Variants in EHMT1 observed in about 807,000 individuals in gnomAD.
The protein encoded by EHMT1 is euchromatic histone lysine methyltransferase 1.
Under a neutral mutation model 147.2 loss-of-function variants are expected in EHMT1, and 15 were observed. The ratio of observed to expected loss-of-function variants is 0.10; its 90% CI spans 0.07 to 0.16. The LOEUF is 0.16. EHMT1 is among the 10% of genes least tolerant of loss of function. The probability of loss-of-function intolerance (pLI) is 1.00; values close to 1 mark genes in which losing one functional copy is unlikely to be tolerated. For synonymous variants in EHMT1, 795 were observed against 709.6 expected (o/e 1.12, Z -1.91); for missense variants, 1,587 against 1,772.4 (o/e 0.90, Z 1.88).
chr9:137,621,268 A>C (rs1314790144), intron 1 of EHMT1, among the ~76,000 whole-genome samples: 1 of 152,208 alleles, frequency 6.6e-6, no homozygotes, highest in African/African-American at 2.4e-5. Flanking sequence ...CACTGTTGTC[A>C]CTAAACCTGG....
chr9:137,834,154 TG>T, intron 25 of EHMT1, 194 bp from the exon 26 acceptor site: 1 of 690,554 alleles, frequency 1.4e-6, no homozygotes, highest in South Asian at 1.9e-5. Context: ...GGGTGCGGGG[TG>T]GGTGGCCACA....
intron 4 of EHMT1, among the ~76,000 whole-genome samples, chr9:137,733,698 T>C (rs1947305661): frequency 2.0e-5 from 3 of 152,200 alleles, no homozygotes; most frequent in African/African-American, 2.4e-5. Context: ...GTTGTAAGCC[T>C]TTCTTCCATG....
Position 137,835,135 on chromosome 9 carries a change from C to T in EHMT1, c.*182C>T, listed in dbSNP as rs1956509663. The T allele has an allele frequency of 9.4e-6, 6 of 635,306 alleles. No homozygotes were observed. Among genetic ancestry groups the T allele is most frequent in the Non-Finnish European group, 1.2e-5 (5 of 424,804 alleles). 39.4% of individuals were successfully genotyped at this position (635,306 alleles called of 1,614,324 possible). On this transcript the variant is annotated 3_prime_UTR_variant, in exon 27 of 27. Coordinates refer to ENST00000460843, the MANE Select transcript of EHMT1 (RefSeq NM_024757.5). ...GCGGGTGTGGATGCCTCCCAGCCAC[C>T]TTCCCAGACCTGCGGCCTCACCGCG...
In EHMT1 at chr9:137,813,288, TCAGGGCCAGGTGTTTGCCAGC is replaced by T. The variant is rs1236370108; in HGVS notation, c.3036-96_3036-76del. On this transcript the variant is annotated intron_variant, in intron 20 of 26. Coordinates refer to ENST00000460843, the MANE Select transcript of EHMT1 (RefSeq NM_024757.5). The surrounding 1 kb of genome is among the most constrained non-coding windows in gnomAD (Gnocchi z 4.9). Reference sequence around the variant, plus strand: ...CATCCCCAGGCTGCAGTCCAAATTGTCAGGGCCAGGTGTTTGCCAGCCGCCCCACTGCACGCTGTGCCACCC... The same window carrying T: ...CATCCCCAGGCTGCAGTCCAAATTGTCGCCCCACTGCACGCTGTGCCACCC... 4.5e-6 allele frequency: 7 copies of T among 1,556,416 alleles called. No individual in the cohort carries two copies. In the Admixed American group the frequency reaches 1.3e-4, roughly 29 times the overall value.
chr9:137,743,280 G>A, intron 4 of EHMT1, 91 bp from the exon 5 acceptor site: 4 of 1,499,512 alleles, frequency 2.7e-6, no homozygotes, highest in Non-Finnish European at 3.5e-6. Flanking sequence ...TGGTGATCAA[G>A]TTTTGTAAAC....
At chr9:137,717,446 T>TA (rs1431294682) in intron 3 of EHMT1, among the ~76,000 whole-genome samples, 3 of 151,234 alleles carry the variant, frequency 2.0e-5, no homozygotes, top group Non-Finnish European at 4.4e-5. Context: ...CAAAATTTTG[T>TA]AAAAAATGCA....
intron 1 of EHMT1, among the ~76,000 whole-genome samples, chr9:137,681,763 C>T (rs966065049): frequency 2.6e-5 from 4 of 152,134 alleles, no homozygotes; most frequent in African/African-American, 7.2e-5. Flanking sequence ...CTTTTCCCTC[C>T]TGTATTTTGA....
chr9:137,709,853 C>T (rs1221416106), intron 1 of EHMT1, among the ~76,000 whole-genome samples: 1 of 152,134 alleles, frequency 6.6e-6, no homozygotes, highest in Non-Finnish European at 1.5e-5. Flanking sequence ...CCGGAGGCTT[C>T]CTGCCCACTT....
intron 1 of EHMT1, among the ~76,000 whole-genome samples, chr9:137,634,181 C>T (rs1843813992): frequency 6.6e-6 from 1 of 152,152 alleles, no homozygotes; most frequent in Admixed American, 6.6e-5. Context: ...AATCCACCTT[C>T]TTGTTTTCCA....
intron 1 of EHMT1, among the ~76,000 whole-genome samples, chr9:137,690,636 C>G (rs1333898198): frequency 1.3e-5 from 2 of 151,928 alleles, no homozygotes; most frequent in African/African-American, 4.8e-5. Context: ...GTGGCGCGAT[C>G]TCGGCTCACT....
chr9:137,815,379 G>C (rs1014103196), intron 22 of EHMT1: 33 of 194,350 alleles, frequency 1.7e-4, no homozygotes, highest in African/African-American at 7.7e-4. Flanking sequence ...CGCCCTAATT[G>C]TTCAGAGCAG....
intron 1 of EHMT1, among the ~76,000 whole-genome samples, chr9:137,670,382 C>CT (rs1275574895): frequency 8.5e-5 from 13 of 152,222 alleles, no homozygotes; most frequent in Non-Finnish European, 1.9e-4. Context: ...GGCTAGTCCC[C>CT]TCTCCTGCCC....
rs1275605511 is a variant in EHMT1 at position 137,817,993 on chromosome 9, G to C, written c.3462-67G>C. On this transcript the variant is annotated intron_variant, in intron 24 of 26. Transcript: ENST00000460843. ...TCTTTCCCTGTGGCTGCGGAGTCTG[G>C]GCTGTGCTTGTCTGTGGGCAGTGCT... 5 of 1,481,240 alleles carry C rather than the reference G, an allele frequency of 3.4e-6. No individual in the cohort carries two copies. The East Asian group carries it at 9.0e-5, about 27-fold the overall frequency. 91.8% of individuals were successfully genotyped at this position (1,481,240 alleles called of 1,614,324 possible). A position where few individuals can be genotyped will look rare whatever the true frequency, so the allele number is the denominator to read the frequency against.
chr9:137,776,820 G>C lies in EHMT1; in HGVS notation c.1994G>C (p.Gly665Ala). ...CAGGAGAAGGGCTCGGCCCTGGAGG[G>C]CAGGGCCGACACCACAACGGGCAGG... ...PGQEKGSALE[G>A]RADTTTGSAA... is the part of the protein sequence containing the mutation. The change falls in exon 12 of 27, where the codon GGC (glycine) becomes GCC (alanine). Residue 665 changes from glycine (G) to alanine (A), a missense_variant. Gly to Ala is a moderately conservative substitution (Grantham distance 60, BLOSUM62 0). Transcript: ENST00000460843. The surrounding 1 kb of genome is among the most constrained non-coding windows in gnomAD (Gnocchi z 4.4). 6.2e-7 allele frequency: 1 copy of C among 1,613,890 alleles called. No homozygotes were observed. Among genetic ancestry groups the C allele is most frequent in the Non-Finnish European group, 8.5e-7 (1 of 1,179,984 alleles).
intron 10 of EHMT1, chr9:137,764,094 C>T (rs1281919938): frequency 6.6e-6 from 1 of 152,390 alleles, no homozygotes; most frequent in African/African-American, 2.4e-5. Flanking sequence ...CTTTGAGAAC[C>T]ACTGGTTCGC....
At chr9:137,713,304 C>G (rs947704493) in intron 2 of EHMT1, among the ~76,000 whole-genome samples, 4 of 133,170 alleles carry the variant, frequency 3.0e-5, no homozygotes, top group South Asian at 2.5e-4. Flanking sequence ...GAGTCTTGCT[C>G]TGTCACCCGG....
At chr9:137,735,383 A>G (rs759163447) in intron 4 of EHMT1, among the ~76,000 whole-genome samples, 17 of 152,228 alleles carry the variant, frequency 1.1e-4, no homozygotes, top group Non-Finnish European at 2.1e-4. Flanking sequence ...CACAAAGAAA[A>G]TAGCTATAGA....
At chr9:137,830,255 G>A (rs1956098953) in intron 25 of EHMT1, among the ~76,000 whole-genome samples, 1 of 152,122 alleles carries the variant, frequency 6.6e-6, no homozygotes, top group South Asian at 2.1e-4. Context: ...GTGACACCCA[G>A]GCCTCCCTTA....
In EHMT1 at chr9:137,731,224, A is replaced by G. The variant is rs73572122; in HGVS notation, c.823+2695A>G. On this transcript the variant is annotated intron_variant, in intron 4 of 26. Transcript: ENST00000460843. This position sits in a 1 kb window ranked among gnomAD's most constrained non-coding sequence, Gnocchi z 4.3. Reference sequence around the variant, plus strand: ...AGCGTGTTAGCCTAGGACAGTGTGTAAAATGGCCTTGAGCACTGGAGGAGA... The same window carrying G: ...AGCGTGTTAGCCTAGGACAGTGTGTGAAATGGCCTTGAGCACTGGAGGAGA... Among the ~76,000 whole-genome samples, 7,698 of 152,270 alleles carry G rather than the reference A, an allele frequency of 0.051. 639 individuals are homozygous for G. Among genetic ancestry groups the G allele is most frequent in the African/African-American group, 0.17 (7,219 of 41,514 alleles).
Sources: allele counts gnomAD v4.1 joint callset (sites outside exome capture counted in the v4.1 genomes callset), GRCh38; gene constraint gnomAD v4.1.1; non-coding constraint Gnocchi (gnomAD v3.1); transcripts MANE v1.5; gene names NCBI Gene and HGNC (gene_info 2026-07-23, HGNC 2026-07-21).